NXPE4: variants seen among roughly 807,000 people sequenced by gnomAD.
NXPE4 encodes NXPE family member 4.
In NXPE4, 42 loss-of-function variants were observed where a neutral mutation model predicts 33.3. That is an observed-to-expected ratio of 1.26 (90% CI 0.98 to 1.63). The LOEUF (loss-of-function observed/expected upper bound fraction) is 1.63, where lower values mean the gene tolerates loss of function less well. Among genes scored for constraint, NXPE4 ranks in the 40% most tolerant of loss-of-function variants. The probability of loss-of-function intolerance (pLI) is 0.00; values close to 1 mark genes in which losing one functional copy is unlikely to be tolerated. For synonymous variants in NXPE4, 253 were observed against 234.9 expected (o/e 1.08, Z -0.71); for missense variants, 709 against 647.6 (o/e 1.09, Z -1.03).
the NXPE4 span, among the ~76,000 whole-genome samples, chr11:114,635,661 G>C: frequency 6.6e-6 from 1 of 151,890 alleles, no homozygotes; most frequent in South Asian, 2.1e-4. Context: ...TTTATTGAGA[G>C]TTTTTAGCCT....
the NXPE4 span, among the ~76,000 whole-genome samples, chr11:114,667,285 G>A: frequency 1.3e-5 from 2 of 152,016 alleles, no homozygotes; most frequent in African/African-American, 2.4e-5. Context: ...GTAACAGAGT[G>A]AATTTTAAAA....
the NXPE4 span, among the ~76,000 whole-genome samples, chr11:114,606,674 A>T: frequency 1.3e-5 from 2 of 148,530 alleles, no homozygotes; most frequent in East Asian, 4.1e-4. Context: ...TAAGTATTGC[A>T]TCATGGGTCA....
chr11:114,610,676 C>T, the NXPE4 span, among the ~76,000 whole-genome samples: 1 of 151,958 alleles, frequency 6.6e-6, no homozygotes, highest in South Asian at 2.1e-4. Context: ...TACATGTTGC[C>T]TCGTGGTTAA....
chr11:114,632,040 TATATA>T, the NXPE4 span, among the ~76,000 whole-genome samples: 1 of 145,674 alleles, frequency 6.9e-6, no homozygotes, highest in Non-Finnish European at 1.5e-5. Flanking sequence ...TTATATATAA[TATATA>T]ATTTAATAAT....
At chr11:114,645,714 T>C in the NXPE4 span, among the ~76,000 whole-genome samples, 1 of 152,000 alleles carries the variant, frequency 6.6e-6, no homozygotes, top group East Asian at 1.9e-4. Context: ...AAGACATGAA[T>C]AAAGAATTCA....
chr11:114,669,989 A>G, the NXPE4 span, among the ~76,000 whole-genome samples: 2 of 152,078 alleles, frequency 1.3e-5, no homozygotes. Context: ...TGACAGTAAC[A>G]AGCAAAACCA....
At chr11:114,616,917 T>C in the NXPE4 span, among the ~76,000 whole-genome samples, 1 of 146,628 alleles carries the variant, frequency 6.8e-6, no homozygotes, top group Admixed American at 6.6e-5. Flanking sequence ...TAACCACTGT[T>C]ACCTGGTGGA....
chr11:114,662,352 C>A, the NXPE4 span, among the ~76,000 whole-genome samples: 1 of 152,248 alleles, frequency 6.6e-6, no homozygotes, highest in South Asian at 2.1e-4. Flanking sequence ...TTAAACCAGC[C>A]CTAGCCAGAG....
At chr11:114,608,260 G>T in the NXPE4 span, among the ~76,000 whole-genome samples, 1 of 150,942 alleles carries the variant, frequency 6.6e-6, no homozygotes, top group East Asian at 2.0e-4. Context: ...TAAAAGTTTT[G>T]CCTTGTGGGT....
chr11:114,608,933 C>T, the NXPE4 span, among the ~76,000 whole-genome samples: 7 of 151,730 alleles, frequency 4.6e-5, no homozygotes, highest in African/African-American at 1.2e-4. Flanking sequence ...AGTACTGCCT[C>T]GTGGGTAACC....
Position 114,571,085 on chromosome 11 carries a change from A to T in NXPE4, c.1488T>A (p.Tyr496Ter), listed in dbSNP as rs1948873055. 2.5e-6 allele frequency: 4 copies of T among 1,613,982 alleles called. No homozygotes were observed. The highest frequency in any genetic ancestry group is 3.4e-6 in the Non-Finnish European group (4 of 1,179,916). Residue 496 changes from tyrosine to a stop codon, truncating the protein, a stop_gained, in exon 6 of 6, where the codon TAT becomes TAA. Coordinates refer to ENST00000375478, the MANE Select transcript of NXPE4 (RefSeq NM_001077639.2). LOFTEE classifies it high-confidence loss of function. Reference protein sequence around the residue: ...RFSDFHGYIQYLIIKDIFQDL... With the variant: ...RFSDFHGYIQ ...CCTGGAAAATGTCCTTTATGATGAG[A>T]TATTGAATGTAACCATGAAAGTCAC...
the NXPE4 span, among the ~76,000 whole-genome samples, chr11:114,623,629 G>T: frequency 6.6e-6 from 1 of 152,074 alleles, no homozygotes; most frequent in Non-Finnish European, 1.5e-5. Flanking sequence ...TTACCCACTG[G>T]ATAATAAGTG....
the NXPE4 span, among the ~76,000 whole-genome samples, chr11:114,662,876 G>T: frequency 1.3e-5 from 2 of 152,100 alleles, no homozygotes; most frequent in Non-Finnish European, 2.9e-5. Flanking sequence ...GAGCACTTGC[G>T]CCTTGAATAA....
chr11:114,597,366 C>A (rs966038460), upstream of NXPE4, among the ~76,000 whole-genome samples: 31 of 152,028 alleles, frequency 2.0e-4, no homozygotes, highest in African/African-American at 7.0e-4. Context: ...GGTGGACAAA[C>A]TTTTTCTGTA....
the NXPE4 span, among the ~76,000 whole-genome samples, chr11:114,658,787 T>C: frequency 6.6e-6 from 1 of 152,102 alleles, no homozygotes; most frequent in African/African-American, 2.4e-5. Flanking sequence ...AGAAGGCCTT[T>C]CCCTAACCCT....
At chr11:114,653,158 GT>G in the NXPE4 span, among the ~76,000 whole-genome samples, 1 of 152,104 alleles carries the variant, frequency 6.6e-6, no homozygotes, top group Non-Finnish European at 1.5e-5. Flanking sequence ...AAGTTTCAAA[GT>G]TATAAAAGTA....
the NXPE4 span, among the ~76,000 whole-genome samples, chr11:114,677,961 T>G: frequency 6.6e-6 from 1 of 152,072 alleles, no homozygotes; most frequent in African/African-American, 2.4e-5. Context: ...TCTCTTACCT[T>G]GTTACATATT....
At chr11:114,593,914 G>C (rs542289106) in intron 2 of NXPE4, among the ~76,000 whole-genome samples, 49 of 152,240 alleles carry the variant, frequency 3.2e-4, no homozygotes, top group Non-Finnish European at 6.2e-4. Context: ...AGTGAAATAA[G>C]CTAGGCACAG....
the NXPE4 span, among the ~76,000 whole-genome samples, chr11:114,602,420 C>A: frequency 7.7e-6 from 1 of 129,672 alleles, no homozygotes; most frequent in Non-Finnish European, 1.6e-5. Context: ...TTGAACATAT[C>A]AATAAATGTA....
Sources: allele counts gnomAD v4.1 joint callset (sites outside exome capture counted in the v4.1 genomes callset), GRCh38; gene constraint gnomAD v4.1.1; transcripts MANE v1.5; gene names NCBI Gene and HGNC (gene_info 2026-07-23, HGNC 2026-07-21).